CFAP54: variants seen among roughly 807,000 people sequenced by gnomAD.
The protein encoded by CFAP54 is cilia- and flagella-associated protein 54.
CFAP54 carries 290 observed loss-of-function variants against 370.4 expected under a neutral mutation model. The observed-to-expected ratio is 0.78, with a 90% CI of 0.71 to 0.86. CFAP54 has a LOEUF of 0.86. CFAP54 is among the 40% of genes least tolerant of loss of function. The probability of loss-of-function intolerance (pLI) is 0.00; values close to 1 mark genes in which losing one functional copy is unlikely to be tolerated. For synonymous variants in CFAP54, 1,206 were observed against 1,236.5 expected, an observed-to-expected ratio of 0.98 and a Z score of 0.52; for missense variants, 3,399 against 3,528.7, an observed-to-expected ratio of 0.96 and a Z score of 0.93.
intron 26 of CFAP54, among the ~76,000 whole-genome samples, chr12:96,599,845 TG>T (rs1337313489): frequency 6.6e-6 from 1 of 151,764 alleles, no homozygotes; most frequent in Non-Finnish European, 1.5e-5. Flanking sequence ...GCCCACTTTT[TG>T]GGGTTGTTTG....
intron 26 of CFAP54, among the ~76,000 whole-genome samples, chr12:96,616,371 G>A (rs1043180123): frequency 6.6e-6 from 1 of 152,104 alleles, no homozygotes; most frequent in East Asian, 1.9e-4. Flanking sequence ...GTGGGGTGGT[G>A]GGAGGGGGGA....
chr12:96,831,821 T>G (rs1454357105), intron 66 of CFAP54, among the ~76,000 whole-genome samples: 1 of 152,192 alleles, frequency 6.6e-6, no homozygotes, highest in African/African-American at 2.4e-5. Context: ...CATCTGAAAT[T>G]TAATCTTTGC....
intron 8 of CFAP54, among the ~76,000 whole-genome samples, chr12:96,523,366 A>G (rs559581887): frequency 6.6e-6 from 1 of 152,288 alleles, no homozygotes; most frequent in South Asian, 2.1e-4. Context: ...CCTCTACTCC[A>G]ATCACTGCTA....
At chr12:96,742,371 A>G (rs1250055851) in intron 51 of CFAP54, 68 bp from the exon 52 acceptor site, 7 of 1,194,288 alleles carry the variant, frequency 5.9e-6, no homozygotes, top group Non-Finnish European at 7.2e-6. Context: ...CTTACATTAC[A>G]TTTAGTCTTA....
chr12:96,823,529 G>A (rs1365505336), intron 65 of CFAP54, among the ~76,000 whole-genome samples: 3 of 152,170 alleles, frequency 2.0e-5, no homozygotes, highest in African/African-American at 7.2e-5. Flanking sequence ...ATCTGTTGTG[G>A]CAGAAGTACA....
intron 48 of CFAP54, among the ~76,000 whole-genome samples, chr12:96,713,700 G>A (rs1197939442): frequency 6.6e-6 from 1 of 152,096 alleles, no homozygotes; most frequent in Admixed American, 6.6e-5. Flanking sequence ...CAGGAGTGGG[G>A]TGTGATTTAA....
At chr12:96,764,708 A>G (rs535080417) in intron 59 of CFAP54, among the ~76,000 whole-genome samples, 1 of 152,224 alleles carries the variant, frequency 6.6e-6, no homozygotes, top group Non-Finnish European at 1.5e-5. Context: ...AGTTATGTTT[A>G]GTGTTTTCAA....
At chr12:96,871,623 A>G (rs1960169607) in intron 67 of CFAP54, among the ~76,000 whole-genome samples, 1 of 152,214 alleles carries the variant, frequency 6.6e-6, no homozygotes, top group South Asian at 2.1e-4. Context: ...ACTTTAAAAT[A>G]ACTATAATAT....
rs187516224 is a variant in CFAP54 at position 96,576,629 on chromosome 12, C to G, written c.2664C>G (p.Ala888=). Residue 888 remains alanine, a synonymous_variant, in exon 20 of 68, where the codon GCC becomes GCG. Transcript: ENST00000524981. ...AGAGGATTGAAGCTGAACAAAATGC[C>G]CTATATTCCTATCAGAAATATTTGG... The part of the protein sequence containing the change: ...LIQRIEAEQN[A]LYSYQKYLES... 2.6e-6 allele frequency: 4 copies of G among 1,534,586 alleles called. No homozygotes were observed. The highest frequency in any genetic ancestry group is 1.2e-5 in the South Asian group (1 of 84,004).
chr12:96,723,751 A>G (rs936265916), intron 50 of CFAP54, among the ~76,000 whole-genome samples: 1 of 150,922 alleles, frequency 6.6e-6, no homozygotes, highest in Non-Finnish European at 1.5e-5. Flanking sequence ...ATATGTATAC[A>G]TGTGCCATGC....
At chr12:96,728,440 C>G (rs940636430) in intron 50 of CFAP54, among the ~76,000 whole-genome samples, 2 of 152,198 alleles carry the variant, frequency 1.3e-5, no homozygotes, top group African/African-American at 4.8e-5. Flanking sequence ...TCTTCCATCA[C>G]TGATACCCTT....
intron 32 of CFAP54, among the ~76,000 whole-genome samples, chr12:96,632,099 C>T (rs1956616143): frequency 1.3e-5 from 2 of 151,840 alleles, no homozygotes; most frequent in South Asian, 4.1e-4. Flanking sequence ...TAAGGTTAGG[C>T]ATCTTTTCAT....
chr12:96,830,836 C>T (rs1021736524), intron 66 of CFAP54, among the ~76,000 whole-genome samples: 1 of 151,786 alleles, frequency 6.6e-6, no homozygotes, highest in Non-Finnish European at 1.5e-5. Context: ...GCGCCCCATA[C>T]CTGGCTAATT....
chr12:96,833,507 CGTGTGTGTGTGTGTGTGT>C (rs34316003), intron 66 of CFAP54, among the ~76,000 whole-genome samples: 2 of 144,056 alleles, frequency 1.4e-5, no homozygotes, highest in African/African-American at 5.1e-5. Flanking sequence ...CACACGCGTA[CGTGTGTGTGTGTGTGTGT>C]GTGTGTGTGT....
chr12:96,535,012 G>C (rs1445156735), intron 11 of CFAP54, among the ~76,000 whole-genome samples: 2 of 75,256 alleles, frequency 2.7e-5, no homozygotes, highest in Middle Eastern at 8.6e-3. Context: ...TCTTTTCTGT[G>C]TGTGTGTGTG....
At chr12:96,644,544 G>A in intron 33 of CFAP54, 136 bp downstream of exon 33, 1 of 642,482 alleles carries the variant, frequency 1.6e-6, no homozygotes, top group Non-Finnish European at 2.6e-6. Flanking sequence ...GGCTCTATTA[G>A]TCTGTTCTCA....
intron 65 of CFAP54, among the ~76,000 whole-genome samples, chr12:96,818,409 C>T (rs892394474): frequency 6.6e-6 from 1 of 152,038 alleles, no homozygotes; most frequent in Non-Finnish European, 1.5e-5. Flanking sequence ...TTCTGATGAC[C>T]GATGTTTGTA....
intron 50 of CFAP54, among the ~76,000 whole-genome samples, chr12:96,724,787 T>C (rs1957809308): frequency 6.6e-6 from 1 of 152,232 alleles, no homozygotes; most frequent in Non-Finnish European, 1.5e-5. Context: ...TAGGTTTTCT[T>C]CTAGGGTTTT....
At chr12:96,728,722 A>G (rs1957876526) in intron 50 of CFAP54, among the ~76,000 whole-genome samples, 1 of 152,178 alleles carries the variant, frequency 6.6e-6, no homozygotes, top group African/African-American at 2.4e-5. Flanking sequence ...GCTGGTGAGT[A>G]ACTGTGTTCC....
Sources: gnomAD v4.1 joint callset for allele counts (sites outside exome capture counted in the v4.1 genomes callset) on GRCh38, gnomAD v4.1.1 for gene constraint, MANE v1.5 for transcripts, NCBI Gene and HGNC (gene_info 2026-07-23, HGNC 2026-07-21) for gene names.